Variants in CLINT1 observed in about 807,000 individuals in gnomAD.
CLINT1 encodes clathrin interactor 1, also known as clathrin interacting protein localized in the trans-Golgi region.
CLINT1 carries 15 observed loss-of-function variants against 70.4 expected under a neutral mutation model. The observed-to-expected ratio is 0.21, with a 90% CI of 0.14 to 0.33. The LOEUF (loss-of-function observed/expected upper bound fraction) is 0.33, where lower values mean the gene tolerates loss of function less well. Among genes scored for constraint, CLINT1 ranks in the 10% least tolerant of loss-of-function variants. CLINT1 has a pLI of 1.00. For missense variants in CLINT1, 615 were observed against 778.1 expected, an observed-to-expected ratio of 0.79 and a Z score of 2.49; for synonymous variants, 227 against 254.7, an observed-to-expected ratio of 0.89 and a Z score of 1.04.
chr5:157,857,224 CAAAA>C (rs34211902), intron 1 of CLINT1, among the ~76,000 whole-genome samples: 36 of 120,690 alleles, frequency 3.0e-4, no homozygotes, highest in African/African-American at 9.0e-4. Context: ...GAGACCCCAT[CAAAA>C]AAAAAAAAAA....
intron 1 of CLINT1, among the ~76,000 whole-genome samples, chr5:157,836,305 G>A (rs953305838): frequency 3.9e-5 from 6 of 152,136 alleles, no homozygotes; most frequent in African/African-American, 1.4e-4. Context: ...AGAAAACTGA[G>A]GCACAAAGAG....
At chr5:157,819,623 T>C (rs907218746) in intron 1 of CLINT1, among the ~76,000 whole-genome samples, 4 of 152,210 alleles carry the variant, frequency 2.6e-5, no homozygotes, top group African/African-American at 9.7e-5. Flanking sequence ...ATGCTTTTGT[T>C]TATCCTGGTG....
chr5:157,844,251 G>T (rs1753293168), intron 1 of CLINT1, among the ~76,000 whole-genome samples: 1 of 152,084 alleles, frequency 6.6e-6, no homozygotes, highest in Non-Finnish European at 1.5e-5. Flanking sequence ...TCTCAAAAAA[G>T]AAACATTTAT....
intron 5 of CLINT1, among the ~76,000 whole-genome samples, chr5:157,811,063 T>C (rs1445801590): frequency 6.6e-6 from 1 of 152,178 alleles, no homozygotes; most frequent in Non-Finnish European, 1.5e-5. Context: ...AAAGTGATTT[T>C]CCAACAATGT....
intron 1 of CLINT1, among the ~76,000 whole-genome samples, chr5:157,841,019 T>C (rs1753156014): frequency 6.6e-6 from 1 of 152,194 alleles, no homozygotes; most frequent in Non-Finnish European, 1.5e-5. Context: ...CCCAGCACTT[T>C]GGAAGGCCAA....
intron 7 of CLINT1, among the ~76,000 whole-genome samples, chr5:157,804,538 G>A (rs1460431175): frequency 6.6e-6 from 1 of 152,150 alleles, no homozygotes; most frequent in Non-Finnish European, 1.5e-5. Flanking sequence ...ACACCTTTAA[G>A]AACAGATCCA....
intron 1 of CLINT1, among the ~76,000 whole-genome samples, chr5:157,852,626 C>T (rs1161932847): frequency 6.6e-6 from 1 of 152,110 alleles, no homozygotes; most frequent in African/African-American, 2.4e-5. Flanking sequence ...CCTCATAATC[C>T]TATAAAATAT....
At chr5:157,819,643 T>C (rs1272294226) in intron 1 of CLINT1, among the ~76,000 whole-genome samples, 4 of 152,218 alleles carry the variant, frequency 2.6e-5, no homozygotes, top group Non-Finnish European at 4.4e-5. Flanking sequence ...GGCTGAAGAA[T>C]GCGTGGCTTA....
intron 1 of CLINT1, among the ~76,000 whole-genome samples, chr5:157,834,949 TC>T (rs1763369975): frequency 6.6e-6 from 1 of 152,144 alleles, no homozygotes; most frequent in Non-Finnish European, 1.5e-5. Context: ...AAATGTAACC[TC>T]AAAATCTGTA....
At chr5:157,832,722 C>T (rs1763285614) in intron 1 of CLINT1, among the ~76,000 whole-genome samples, 1 of 152,180 alleles carries the variant, frequency 6.6e-6, no homozygotes, top group Non-Finnish European at 1.5e-5. Context: ...ACAGTACCAT[C>T]CAAGGTTATG....
chr5:157,813,826 G>A (rs1373419660), intron 4 of CLINT1, among the ~76,000 whole-genome samples: 1 of 152,162 alleles, frequency 6.6e-6, no homozygotes, highest in Non-Finnish European at 1.5e-5. Context: ...TATTTGGTGG[G>A]AGGGAAAAAA....
At chr5:157,802,202 G>A (rs1270445780) in intron 8 of CLINT1, among the ~76,000 whole-genome samples, 1 of 151,698 alleles carries the variant, frequency 6.6e-6, no homozygotes, top group Non-Finnish European at 1.5e-5. Flanking sequence ...GCCACAATTC[G>A]GCTTTGAAAA....
At chr5:157,813,000 T>C in intron 5 of CLINT1, 63 bp downstream of exon 5, 2 of 1,517,724 alleles carry the variant, frequency 1.3e-6, no homozygotes, top group Non-Finnish European at 1.8e-6. Flanking sequence ...ATTTCACTGA[T>C]TCTTAAAATA....
intron 1 of CLINT1, among the ~76,000 whole-genome samples, chr5:157,829,515 C>T (rs930017174): frequency 6.6e-6 from 1 of 151,706 alleles, no homozygotes; most frequent in Middle Eastern, 3.2e-3. Context: ...TGTGAGTCTC[C>T]AAGAGAGATA....
intron 1 of CLINT1, among the ~76,000 whole-genome samples, chr5:157,824,703 A>T (rs1430781634): frequency 6.6e-6 from 1 of 152,262 alleles, no homozygotes; most frequent in African/African-American, 2.4e-5. Context: ...GGAAAAGTAC[A>T]GAAGAAACAA....
chr5:157,842,431 T>C (rs1263667944), intron 1 of CLINT1, among the ~76,000 whole-genome samples: 1 of 152,148 alleles, frequency 6.6e-6, no homozygotes, highest in Non-Finnish European at 1.5e-5. Context: ...CTAGCCAGGG[T>C]GATACAGCGA....
Position 157,806,115 on chromosome 5 carries a change from A to G in CLINT1, c.696-3T>C, listed in dbSNP as rs764618416. On this transcript the variant is annotated splice_polypyrimidine_tract_variant and splice_region_variant and intron_variant, in intron 6 of 11. Coordinates refer to ENST00000411809, the MANE Select transcript of CLINT1 (RefSeq NM_014666.4). ...CTTTCTTTTCCTCATCGCTGTCGCT[A>G]AAAGATATTAAAAATGAAGCAAAAT... is the stretch of plus-strand genomic sequence containing the variant. 32 of 1,612,072 alleles carry G rather than the reference A, an allele frequency of 2.0e-5. No homozygotes were observed. Among genetic ancestry groups the G allele is most frequent in the East Asian group, 4.5e-5 (2 of 44,850 alleles).
chr5:157,797,290 A>G (rs904922940), intron 8 of CLINT1, among the ~76,000 whole-genome samples: 5 of 152,270 alleles, frequency 3.3e-5, no homozygotes, highest in African/African-American at 1.2e-4. Flanking sequence ...GGATTTAAAA[A>G]TTAAAGATTA....
chr5:157,855,947 A>G (rs1393438487), intron 1 of CLINT1, among the ~76,000 whole-genome samples: 4 of 152,096 alleles, frequency 2.6e-5, no homozygotes, highest in Admixed American at 6.6e-5. Context: ...AAAAAAAAAA[A>G]GAAATACATC....
Sources: allele counts gnomAD v4.1 joint callset (sites outside exome capture counted in the v4.1 genomes callset), GRCh38; gene constraint gnomAD v4.1.1; transcripts MANE v1.5; gene names NCBI Gene and HGNC (gene_info 2026-07-23, HGNC 2026-07-21).